The following NAALAD2 variants were observed in gnomAD, a reference collection of about 807,000 sequenced individuals.
The protein encoded by NAALAD2 is N-acetylated-alpha-linked acidic dipeptidase 2.
NAALAD2 carries 89 observed loss-of-function variants against 95.6 expected under a neutral mutation model. That is an observed-to-expected ratio of 0.93 (90% CI 0.78 to 1.11). The LOEUF is 1.11. Among genes scored for constraint, NAALAD2 ranks in the 50% least tolerant of loss-of-function variants. The pLI, the probability that NAALAD2 is intolerant of heterozygous loss-of-function variation, is 0.00. For synonymous variants in NAALAD2, 264 were observed against 294.4 expected (o/e 0.90, Z 1.06); for missense variants, 894 against 872.4 (o/e 1.02, Z -0.31).
intron 18 of NAALAD2, among the ~76,000 whole-genome samples, chr11:90,184,569 T>C (rs1190155015): frequency 6.6e-6 from 1 of 152,098 alleles, no homozygotes; most frequent in Non-Finnish European, 1.5e-5. Context: ...GGTGTTGTTA[T>C]TAGTCTATCT....
intron 6 of NAALAD2, among the ~76,000 whole-genome samples, chr11:90,156,965 C>G (rs79962866): frequency 2.0e-5 from 3 of 152,002 alleles, no homozygotes; most frequent in Non-Finnish European, 4.4e-5. Context: ...CCACTGAGGT[C>G]GGAGAACATA....
rs537204293 is a variant in NAALAD2, at chr11:90,180,579, G to GA, written c.1859-1038dup. 2.5e-4 allele frequency among the ~76,000 whole-genome samples: 38 copies of GA among 152,126 alleles called. No individual in the cohort carries two copies. The East Asian group carries it at 7.4e-3, about 30-fold the overall frequency. ...TCTTTCCATTAGGTGTGACCTAATAGAAATCCTGAGCTGTAAGTGCTTTAT... is the reference window on the plus strand; with the variant it reads ...TCTTTCCATTAGGTGTGACCTAATAGAAAATCCTGAGCTGTAAGTGCTTTAT... On this transcript the variant is annotated intron_variant, in intron 16 of 18. Transcript: ENST00000534061.
intron 18 of NAALAD2, among the ~76,000 whole-genome samples, chr11:90,188,285 A>G (rs1857220577): frequency 6.6e-6 from 1 of 152,248 alleles, no homozygotes; most frequent in Admixed American, 6.5e-5. Context: ...TAATGAATAA[A>G]TCAGAAAACA....
chr11:90,133,255 T>C (rs527989775), upstream of NAALAD2, among the ~76,000 whole-genome samples: 60 of 151,870 alleles, frequency 4.0e-4, no homozygotes, highest in African/African-American at 1.4e-3. Flanking sequence ...TACTTTTGGT[T>C]AGATACGTGA....
chr11:90,131,851 A>G (rs1951357201), upstream of NAALAD2: 1 of 152,202 alleles, frequency 6.6e-6, no homozygotes, highest in Non-Finnish European at 1.5e-5. Flanking sequence ...TCACTGAATC[A>G]TGAGCAGGTC....
intron 11 of NAALAD2, 89 bp from the exon 12 acceptor site, chr11:90,168,840 C>A: frequency 9.4e-7 from 1 of 1,058,624 alleles, no homozygotes; most frequent in Non-Finnish European, 1.4e-6. Flanking sequence ...ACTTGTAAAC[C>A]GCTTTTCCAC....
intron 6 of NAALAD2, among the ~76,000 whole-genome samples, chr11:90,153,332 G>C (rs182957682): frequency 1.2e-3 from 178 of 152,182 alleles, no homozygotes; most frequent in African/African-American, 4.2e-3. Flanking sequence ...GAATATTATG[G>C]TTAGTTGGAT....
chr11:90,147,289 CAT>C (rs1476606823), intron 2 of NAALAD2, 39 bp from the exon 3 acceptor site: 1 of 1,494,738 alleles, frequency 6.7e-7, no homozygotes, highest in South Asian at 1.2e-5. Context: ...ATCGTCTGAG[CAT>C]AGTCTTTAAT....
In NAALAD2 at chr11:90,159,878, C is replaced by T. The variant is rs1051810936; in HGVS notation, c.989+541C>T. 4.6e-5 allele frequency among the ~76,000 whole-genome samples: 6 copies of T among 129,076 alleles called. No individual in the cohort carries two copies. In the Admixed American group the frequency reaches 5.1e-4, roughly 11 times the overall value. The allele number at this position is 129,076 out of a possible 152,430, so 84.7% of individuals were successfully genotyped here. A position where few individuals can be genotyped will look rare whatever the true frequency, so the allele number is the denominator to read the frequency against. On this transcript the variant is annotated intron_variant, in intron 8 of 18. Transcript: ENST00000534061. ...CTGAGGCAGGAGAATCACTTGAACCCAGGAAGCGGAGGTTGCGGTGAGCTG... is the reference window on the plus strand; with the variant it reads ...CTGAGGCAGGAGAATCACTTGAACCTAGGAAGCGGAGGTTGCGGTGAGCTG...
intron 2 of NAALAD2, among the ~76,000 whole-genome samples, chr11:90,145,694 G>A (rs1339138789): frequency 6.6e-6 from 1 of 152,164 alleles, no homozygotes; most frequent in African/African-American, 2.4e-5. Flanking sequence ...GTTTGCAGAT[G>A]AGAAAGGAGA....
intron 11 of NAALAD2, among the ~76,000 whole-genome samples, chr11:90,166,976 C>A (rs1268524321): frequency 6.6e-6 from 1 of 152,188 alleles, no homozygotes; most frequent in South Asian, 2.1e-4. Flanking sequence ...ATGGTGAAAC[C>A]CCGTGTCTAT....
intron 6 of NAALAD2, among the ~76,000 whole-genome samples, chr11:90,157,720 T>C (rs1428458001): frequency 7.9e-6 from 1 of 126,006 alleles, no homozygotes. Flanking sequence ...TGTCTGACTT[T>C]TGGGGAACTT....
intron 6 of NAALAD2, among the ~76,000 whole-genome samples, chr11:90,154,716 A>G (rs1434813594): frequency 6.6e-6 from 1 of 150,914 alleles, no homozygotes; most frequent in African/African-American, 2.4e-5. Flanking sequence ...TTGTCTATAA[A>G]TATTTGGTAG....
rs536704524 is a variant in NAALAD2, at chr11:90,134,744, G to A, written c.-15G>A. The A allele has an allele frequency of 1.2e-6, 2 of 1,613,190 alleles. No homozygotes were observed. Among genetic ancestry groups the A allele is most frequent in the South Asian group, 2.2e-5 (2 of 91,048 alleles). On this transcript the variant is annotated 5_prime_UTR_variant, in exon 1 of 19. Transcript: ENST00000534061. ...CGAATGTAGCAGGCGCCCCAAGCTC[G>A]GTCCTCAAGAAGCCATGGCGGAATC... is the stretch of plus-strand genomic sequence containing the variant.
At chr11:90,165,359 G>C (rs1397637468) in intron 11 of NAALAD2, among the ~76,000 whole-genome samples, 1 of 152,148 alleles carries the variant, frequency 6.6e-6, no homozygotes, top group African/African-American at 2.4e-5. Context: ...GGGTCCAGTA[G>C]TATTTCCAGG....
rs71477596 is a variant in NAALAD2, at chr11:90,146,343, ATTTTTTTTTTTTTTTT to A, written c.195-969_195-954del. Among the ~76,000 whole-genome samples, 350 of 47,990 alleles carry A rather than the reference ATTTTTTTTTTTTTTTT, an allele frequency of 7.3e-3. 4 individuals are homozygous for A. Among genetic ancestry groups the A allele is most frequent in the African/African-American group, 0.026 (331 of 12,548 alleles). 31.5% of individuals were successfully genotyped at this position (47,990 alleles called of 152,430 possible). A position where few individuals can be genotyped will look rare whatever the true frequency, so the allele number is the denominator to read the frequency against. ...GTTCTACTGATGGTGGGGGAGTTTAATTTTTTTTTTTTTTTTTTTTTTTTTTTTTTTTTGTGATGTA... is the reference window on the plus strand; with the variant it reads ...GTTCTACTGATGGTGGGGGAGTTTAATTTTTTTTTTTTTTTTTGTGATGTA... On this transcript the variant is annotated intron_variant, in intron 2 of 18. Transcript: ENST00000534061.
At chr11:90,152,506 C>T in intron 6 of NAALAD2, 22 bp downstream of exon 6, 1 of 1,562,552 alleles carries the variant, frequency 6.4e-7, no homozygotes, top group Non-Finnish European at 8.7e-7. Context: ...GCCTATCAGT[C>T]CACCAATTTT....
intron 14 of NAALAD2, among the ~76,000 whole-genome samples, chr11:90,174,436 C>G (rs1952729282): frequency 6.6e-6 from 1 of 151,944 alleles, no homozygotes; most frequent in African/African-American, 2.4e-5. Flanking sequence ...TCTAGTTTTG[C>G]AAATTTTTAG....
chr11:90,157,104 A>C (rs1171200398), intron 6 of NAALAD2, among the ~76,000 whole-genome samples: 1 of 152,154 alleles, frequency 6.6e-6, no homozygotes, highest in South Asian at 2.1e-4. Flanking sequence ...ATTAGGTCAA[A>C]TTAGTTAATA....
Sources: gnomAD v4.1 joint callset for allele counts (sites outside exome capture counted in the v4.1 genomes callset) on GRCh38, gnomAD v4.1.1 for gene constraint, MANE v1.5 for transcripts, NCBI Gene and HGNC (gene_info 2026-07-23, HGNC 2026-07-21) for gene names.